The following ATP1B3 variants were observed in gnomAD, a reference collection of about 807,000 sequenced individuals.
ATP1B3 encodes sodium/potassium-transporting ATPase subunit beta-3.
ATP1B3 carries 10 observed loss-of-function variants against 30.2 expected under a neutral mutation model. The ratio of observed to expected loss-of-function variants is 0.33; its 90% confidence interval spans 0.20 to 0.56. ATP1B3 has a LOEUF of 0.56. ATP1B3 is among the 20% of genes least tolerant of loss of function. The pLI is 0.90. For missense variants in ATP1B3, 238 were observed against 336.7 expected (o/e 0.71, Z 2.29); for synonymous variants, 113 against 117.0 (o/e 0.97, Z 0.22).
chr3:141,922,869 G>A (rs1298797389), intron 6 of ATP1B3, among the ~76,000 whole-genome samples: 1 of 152,160 alleles, frequency 6.6e-6, no homozygotes, highest in Non-Finnish European at 1.5e-5. Flanking sequence ...GAGAGGGTGA[G>A]GCAGGAGACT....
Position 141,925,612 on chromosome 3 carries a change from A to G in ATP1B3, c.751A>G (p.Lys251Glu). The G allele has an allele frequency of 6.2e-7, 1 of 1,613,800 alleles. No homozygotes were observed. The highest frequency in any genetic ancestry group is 8.5e-7 in the Non-Finnish European group (1 of 1,179,870). Residue 251 changes from lysine to glutamate, a missense_variant, in exon 7 of 7, where the codon AAG (lysine) becomes GAG (glutamate). Transcript: ENST00000286371. ...TGGGAAAGAAGTAACAGTTGAGTGCAAGATTGATGGATCAGCCAACCTAAA... is the reference window on the plus strand; with the variant it reads ...TGGGAAAGAAGTAACAGTTGAGTGCGAGATTGATGGATCAGCCAACCTAAA... ...NTGKEVTVEC[K>E]IDGSANLKSQ...
chr3:141,920,009 T>G (rs1158117347), intron 5 of ATP1B3, among the ~76,000 whole-genome samples: 1 of 152,192 alleles, frequency 6.6e-6, no homozygotes, highest in Non-Finnish European at 1.5e-5. Context: ...GAGTACCTCA[T>G]TATTATTCAG....
At chr3:141,881,133 G>A (rs1431204084) in intron 1 of ATP1B3, among the ~76,000 whole-genome samples, 2 of 151,506 alleles carry the variant, frequency 1.3e-5, no homozygotes, top group Non-Finnish European at 2.9e-5. Context: ...AACCCGGGAG[G>A]TGGAGGTTAC....
chr3:141,921,785 GGTTA>G (rs1439044723), intron 5 of ATP1B3, 188 bp from the exon 6 acceptor site: 2 of 434,334 alleles, frequency 4.6e-6, no homozygotes, highest in African/African-American at 2.1e-5. Context: ...ATGTGGAAGG[GGTTA>G]GTTAGATAAT....
intron 1 of ATP1B3, among the ~76,000 whole-genome samples, chr3:141,880,740 G>T (rs955819546): frequency 6.6e-6 from 1 of 152,204 alleles, no homozygotes; most frequent in South Asian, 2.1e-4. Flanking sequence ...AACTGTATTT[G>T]TTACTTTGGC....
In ATP1B3 at chr3:141,890,876, G is replaced by A. The variant is rs145867642; in HGVS notation, c.110-12744G>A. On this transcript the variant is annotated intron_variant, in intron 1 of 6. Transcript: ENST00000286371. ...GGGTGAGTCACGGCCCCCAGTCTGT[G>A]TTATGTTCTTACTGGTTAAAGGAAA... 1.2e-3 allele frequency among the ~76,000 whole-genome samples: 181 copies of A among 152,314 alleles called. 2 individuals carry two copies. The highest frequency in any genetic ancestry group is 4.3e-3 in the African/African-American group (179 of 41,550).
At chr3:141,889,750 A>AAAAAAAT (rs1553743802) in intron 1 of ATP1B3, among the ~76,000 whole-genome samples, 3 of 79,090 alleles carry the variant, frequency 3.8e-5, no homozygotes, top group African/African-American at 1.4e-4. Context: ...AAAAAAAAAA[A>AAAAAAAT]ATATATACAC....
chr3:141,909,910 G>T (rs1444557641), intron 3 of ATP1B3, among the ~76,000 whole-genome samples: 1 of 152,230 alleles, frequency 6.6e-6, no homozygotes, highest in African/African-American at 2.4e-5. Context: ...TGGAGATGGT[G>T]GCTTGGCAAG....
At chr3:141,891,272 G>A (rs1414039043) in intron 1 of ATP1B3, among the ~76,000 whole-genome samples, 1 of 152,122 alleles carries the variant, frequency 6.6e-6, no homozygotes, top group Non-Finnish European at 1.5e-5. Flanking sequence ...GTGTAAATTT[G>A]TGTCAATACT....
At position 141,876,822 on chromosome 3, in the gene ATP1B3, G is replaced by A. The variant is rs1434301712; in HGVS notation, c.21G>A (p.Lys7=). Residue 7 remains lysine, a synonymous_variant, in exon 1 of 7, where the codon AAG becomes AAA. Transcript: ENST00000286371. ...ACACCATGACGAAGAACGAGAAGAAGTCCCTCAACCAGAGCCTGGCCGAGT... is the reference window on the plus strand; with the variant it reads ...ACACCATGACGAAGAACGAGAAGAAATCCCTCAACCAGAGCCTGGCCGAGT... MTKNEK[K]SLNQSLAEWK... The A allele has an allele frequency of 1.9e-6, 3 of 1,589,308 alleles. No individual in the cohort carries two copies. Among genetic ancestry groups the A allele is most frequent in the Admixed American group, 1.7e-5 (1 of 58,530 alleles).
rs867357709 is a variant in ATP1B3 at position 141,890,256 on chromosome 3, G to T, written c.109+13346G>T. Among the ~76,000 whole-genome samples the T allele has an allele frequency of 2.4e-4, 12 of 49,214 alleles. No homozygotes were observed. In the South Asian group the frequency reaches 6.4e-3, roughly 26 times the overall value. 32.3% of individuals were successfully genotyped at this position (49,214 alleles called of 152,430 possible). A position where few individuals can be genotyped will look rare whatever the true frequency, so the allele number is the denominator to read the frequency against. ...TGCCACCACACCTGGCTAATTTTTTGATTTTTGTTTGTTTGTTTTTTTGTG... is the reference window on the plus strand; with the variant it reads ...TGCCACCACACCTGGCTAATTTTTTTATTTTTGTTTGTTTGTTTTTTTGTG... On this transcript the variant is annotated intron_variant, in intron 1 of 6. Transcript: ENST00000286371.
intron 1 of ATP1B3, among the ~76,000 whole-genome samples, chr3:141,891,454 T>C (rs901997496): frequency 6.6e-6 from 1 of 152,232 alleles, no homozygotes; most frequent in Non-Finnish European, 1.5e-5. Context: ...GTAAACCTCT[T>C]TTTTGTAAAA....
rs73870533 is a variant in ATP1B3 at position 141,891,793 on chromosome 3, A to G, written c.110-11827A>G. On this transcript the variant is annotated intron_variant, in intron 1 of 6. Coordinates refer to ENST00000286371, the MANE Select transcript of ATP1B3 (RefSeq NM_001679.4). ...ATTACATTATTTTGAATTTTTGGATATCTGTGTTTTTTTAATTCAGGGATT... is the reference window on the plus strand; with the variant it reads ...ATTACATTATTTTGAATTTTTGGATGTCTGTGTTTTTTTAATTCAGGGATT... 4.8e-3 allele frequency among the ~76,000 whole-genome samples: 718 copies of G among 150,266 alleles called. 7 individuals carry two copies. Among genetic ancestry groups the G allele is most frequent in the African/African-American group, 0.017 (694 of 40,992 alleles).
intron 1 of ATP1B3, among the ~76,000 whole-genome samples, chr3:141,890,674 G>T (rs946683578): frequency 6.8e-6 from 1 of 147,266 alleles, no homozygotes; most frequent in Non-Finnish European, 1.5e-5. Flanking sequence ...TTGACCTCAA[G>T]TGATCTGCCC....
chr3:141,891,625 G>A (rs991925378), intron 1 of ATP1B3, among the ~76,000 whole-genome samples: 6 of 151,992 alleles, frequency 3.9e-5, no homozygotes, highest in Non-Finnish European at 8.8e-5. Flanking sequence ...ATTAACTTGT[G>A]TTTTCATCTT....
rs542391359 is a variant in ATP1B3 at position 141,881,403 on chromosome 3, C to T, written c.109+4493C>T. On this transcript the variant is annotated intron_variant, in intron 1 of 6. Coordinates refer to ENST00000286371, the MANE Select transcript of ATP1B3 (RefSeq NM_001679.4). ...AATTCTGGACCAAAACTGTTAGCACCTATATTTTGTTTGTGTGCCTTTTCT... is the reference window on the plus strand; with the variant it reads ...AATTCTGGACCAAAACTGTTAGCACTTATATTTTGTTTGTGTGCCTTTTCT... Among the ~76,000 whole-genome samples the T allele has an allele frequency of 2.6e-5, 4 of 152,198 alleles. No individual in the cohort carries two copies. The East Asian group carries it at 7.7e-4, about 29-fold the overall frequency.
At chr3:141,881,829 C>T (rs1156804416) in intron 1 of ATP1B3, among the ~76,000 whole-genome samples, 4 of 152,072 alleles carry the variant, frequency 2.6e-5, no homozygotes, top group Admixed American at 6.5e-5. Context: ...AGGCTATAAA[C>T]GCAGGCCAAT....
At chr3:141,897,855 A>G (rs376982542) in intron 1 of ATP1B3, among the ~76,000 whole-genome samples, 21 of 152,144 alleles carry the variant, frequency 1.4e-4, no homozygotes, top group Admixed American at 1.2e-3. Context: ...GATTACAGGT[A>G]CATGCTACCA....
intron 1 of ATP1B3, among the ~76,000 whole-genome samples, chr3:141,889,746 A>AG (rs1379745968): frequency 4.0e-5 from 4 of 101,046 alleles, no homozygotes; most frequent in African/African-American, 1.8e-4. Context: ...AAAAAAAAAA[A>AG]AAAAATATAT....
Sources: allele counts gnomAD v4.1 joint callset (sites outside exome capture counted in the v4.1 genomes callset), GRCh38; gene constraint gnomAD v4.1.1; transcripts MANE v1.5; gene names NCBI Gene and HGNC (gene_info 2026-07-23, HGNC 2026-07-21).